CRYBG1: variants seen among roughly 807,000 people sequenced by gnomAD.
CRYBG1 encodes the protein crystallin beta-gamma domain containing 1, also known as beta/gamma crystallin domain-containing protein 1.
Under a neutral mutation model 189.2 loss-of-function variants are expected in CRYBG1, and 139 were observed. The ratio of observed to expected loss-of-function variants is 0.73; its 90% CI spans 0.64 to 0.85. The LOEUF (loss-of-function observed/expected upper bound fraction) is 0.85. Among genes scored for constraint, CRYBG1 ranks in the 40% least tolerant of loss-of-function variants. CRYBG1 has a pLI of 0.00. For synonymous variants in CRYBG1, 1,023 were observed against 1,017.1 expected (o/e 1.01, Z -0.11); for missense variants, 2,611 against 2,675.8 (o/e 0.98, Z 0.53).
At chr6:106,370,274 A>G (rs548305750) in intron 1 of CRYBG1, among the ~76,000 whole-genome samples, 2 of 152,352 alleles carry the variant, frequency 1.3e-5, no homozygotes, top group Admixed American at 1.3e-4. Flanking sequence ...AGAAAAAAGC[A>G]TTACCAAGAG....
intron 1 of CRYBG1, among the ~76,000 whole-genome samples, chr6:106,378,980 C>G (rs1037347760): frequency 4.6e-5 from 7 of 152,116 alleles, no homozygotes; most frequent in Admixed American, 3.3e-4. Context: ...AACCCCGTCT[C>G]TACTAAAAAT....
intron 1 of CRYBG1, among the ~76,000 whole-genome samples, chr6:106,375,471 G>C (rs114787277): frequency 2.2e-4 from 33 of 152,220 alleles, no homozygotes; most frequent in African/African-American, 7.7e-4. Flanking sequence ...GCAGGGGTTA[G>C]GGTGGAGGTG....
rs545816567 is a variant in CRYBG1, at chr6:106,473,699, A to G, written c.312+21867A>G. ...GCCATTCCTTTCTTGAATGGCAAGA[A>G]TTTTAAATACGGTAATATTCCTGAT... On this transcript the variant is annotated intron_variant, in intron 2 of 21. Transcript: ENST00000633556. 1.6e-3 allele frequency among the ~76,000 whole-genome samples: 239 copies of G among 152,352 alleles called. 1 individual carries two copies. The highest frequency in any genetic ancestry group is 3.4e-3 in the Middle Eastern group (1 of 294).
At position 106,553,622 on chromosome 6, in the gene CRYBG1, C is replaced by T. The variant is rs189870445; in HGVS notation, c.5585+55C>T. The stretch of plus-strand genomic sequence containing the variant: ...AATCACTGGAGTAAAACAGAATTCA[C>T]ACATCAGCAAGTATATAGTGATGCC... On this transcript the variant is annotated intron_variant, in intron 16 of 21. Coordinates refer to ENST00000633556, the MANE Select transcript of CRYBG1 (RefSeq NM_001371242.2). The T allele has an allele frequency of 9.4e-4, 1,126 of 1,202,250 alleles. 2 individuals carry two copies. The highest frequency in any genetic ancestry group is 2.1e-3 in the Admixed American group (124 of 58,652). The allele number at this position is 1,202,250 out of a possible 1,614,324, so 74.5% of individuals were successfully genotyped here. A position where few individuals can be genotyped will look rare whatever the true frequency, so the allele number is the denominator to read the frequency against.
At chr6:106,385,515 T>C (rs13210374) in intron 1 of CRYBG1, among the ~76,000 whole-genome samples, 18,374 of 152,214 alleles carry the variant, frequency 0.12, 1,220 homozygotes, top group African/African-American at 0.16. Context: ...TCAGTTTTCC[T>C]GATACATAAT....
intron 1 of CRYBG1, among the ~76,000 whole-genome samples, chr6:106,426,243 C>G (rs1402865779): frequency 6.6e-6 from 1 of 152,144 alleles, no homozygotes; most frequent in Non-Finnish European, 1.5e-5. Flanking sequence ...GCTCCTGACC[C>G]CATGCCCTCT....
At chr6:106,375,413 G>GTAAATAAA (rs1491094293) in intron 1 of CRYBG1, among the ~76,000 whole-genome samples, 2,185 of 140,220 alleles carry the variant, frequency 0.016, 49 homozygotes, top group East Asian at 0.075. Context: ...AAGTAAGTAA[G>GTAAATAAA]TAAGTAAGTA....
intron 1 of CRYBG1, among the ~76,000 whole-genome samples, chr6:106,399,143 A>G (rs1196545914): frequency 6.6e-6 from 1 of 152,220 alleles, no homozygotes; most frequent in African/African-American, 2.4e-5. Flanking sequence ...AATTTCAGCC[A>G]TTGAAGAAGC....
chr6:106,383,986 A>G (rs967199712), intron 1 of CRYBG1, among the ~76,000 whole-genome samples: 2 of 152,208 alleles, frequency 1.3e-5, no homozygotes, highest in Non-Finnish European at 2.9e-5. Context: ...CATAAACTGC[A>G]TTTCTAACAA....
chr6:106,521,011 C>T lies in CRYBG1; in HGVS notation c.3803C>T (p.Thr1268Met), dbSNP rs376221228. Residue 1268 changes from threonine to methionine, a missense_variant, in exon 4 of 22, where the codon ACG (threonine) becomes ATG (methionine). Coordinates refer to ENST00000633556, the MANE Select transcript of CRYBG1 (RefSeq NM_001371242.2). ...GTGACATCAGTCAACACTATGACCACGGCTTTCAGTACTTCTCAGAACGGT... is the reference window on the plus strand; with the variant it reads ...GTGACATCAGTCAACACTATGACCATGGCTTTCAGTACTTCTCAGAACGGT... ...PSVTSVNTMTTAFSTSQNGSL... is the reference protein window; with the variant it reads ...PSVTSVNTMTMAFSTSQNGSL... 76 of 1,614,042 alleles carry T rather than the reference C, an allele frequency of 4.7e-5. No homozygotes were observed. Among genetic ancestry groups the T allele is most frequent in the Admixed American group, 6.7e-5 (4 of 60,002 alleles).
chr6:106,399,181 T>C (rs56122958), intron 1 of CRYBG1, among the ~76,000 whole-genome samples: 14,467 of 152,278 alleles, frequency 0.095, 737 homozygotes, highest in East Asian at 0.15. Context: ...CTGTCAAAAC[T>C]GCTTCACCTC....
intron 9 of CRYBG1, 36 bp from the exon 10 acceptor site, chr6:106,541,550 G>T: frequency 6.2e-7 from 1 of 1,600,766 alleles, no homozygotes; most frequent in South Asian, 1.1e-5. Flanking sequence ...ATGTATCAGT[G>T]AAAAACTATT....
chr6:106,555,832 C>T lies in CRYBG1; in HGVS notation c.5650C>T (p.Pro1884Ser), dbSNP rs540992980. The T allele has an allele frequency of 3.1e-6, 5 of 1,614,118 alleles. No individual in the cohort carries two copies. Among genetic ancestry groups the T allele is most frequent in the Non-Finnish European group, 4.2e-6 (5 of 1,179,984 alleles). The part of the protein sequence containing the change: ...NQYVLEEGHY[P>S]CLSAMGCPPG... The stretch of plus-strand genomic sequence containing the variant: ...ATACGTGTTGGAAGAAGGCCATTAT[C>T]CTTGTCTGTCTGCAATGGGATGCCC... The change falls in exon 17 of 22, where the codon CCT becomes TCT. Residue 1884 changes from proline to serine, a missense_variant. Physicochemically the swap from Pro to Ser is moderately conservative, Grantham distance 74. Coordinates refer to ENST00000633556, the MANE Select transcript of CRYBG1 (RefSeq NM_001371242.2).
intron 3 of CRYBG1, 33 bp downstream of exon 3, chr6:106,513,072 T>C (rs1447320351): frequency 6.3e-7 from 1 of 1,579,984 alleles, no homozygotes; most frequent in Non-Finnish European, 8.5e-7. Flanking sequence ...GCCGAGTTGC[T>C]GTCCGCACAC....
Position 106,560,937 on chromosome 6 carries a change from C to CCTGTCTATGCAGAGCATG in CRYBG1, c.5979+13_5979+14insGTCTATGCAGAGCATGCT, listed in dbSNP as rs1774699949. ...CGACCTTTTGTTCAGGTATTTTCTT[C>CCTGTCTATGCAGAGCATG]CTCTCCATGCTCTGCATAGACTCTT... is the stretch of plus-strand genomic sequence containing the variant. On this transcript the variant is annotated intron_variant, in intron 19 of 21. Transcript: ENST00000633556. 1.3e-6 allele frequency: 2 copies of CCTGTCTATGCAGAGCATG among 1,593,960 alleles called. No homozygotes were observed. The highest frequency in any genetic ancestry group is 8.5e-7 in the Non-Finnish European group (1 of 1,170,682).
intron 1 of CRYBG1, among the ~76,000 whole-genome samples, chr6:106,430,090 A>G (rs961556544): frequency 6.6e-6 from 1 of 152,182 alleles, no homozygotes; most frequent in African/African-American, 2.4e-5. Context: ...TGGATTTTCT[A>G]TGGATGATTT....
intron 8 of CRYBG1, among the ~76,000 whole-genome samples, chr6:106,537,707 C>T (rs1277317542): frequency 6.6e-6 from 1 of 152,194 alleles, no homozygotes; most frequent in Non-Finnish European, 1.5e-5. Flanking sequence ...AGAACATTCC[C>T]AGCATCGCAG....
chr6:106,361,006 A>G lies in CRYBG1; in HGVS notation c.98A>G (p.Lys33Arg), dbSNP rs999259487. The change falls in exon 1 of 22, where the codon AAG (lysine) becomes AGG (arginine). Residue 33 changes from lysine (K) to arginine (R), a missense_variant. By Grantham distance (26) the Lys-to-Arg change is conservative. Around this residue, in one of 3 missense-constraint regions of CRYBG1, gnomAD observed 985 missense variants for 924.4 expected, o/e 1.07. Transcript: ENST00000633556. ...ACCTTCCACCTCTGGCGCTCCAAAAAGAAGCAGCAGCCGGCGCCGCCTGAC... is the reference window on the plus strand; with the variant it reads ...ACCTTCCACCTCTGGCGCTCCAAAAGGAAGCAGCAGCCGGCGCCGCCTGAC... ...HTTFHLWRSK[K>R]KQQPAPPDCG... 5 of 1,535,020 alleles carry G rather than the reference A, an allele frequency of 3.3e-6. No homozygotes were observed. In the African/African-American group the frequency reaches 6.9e-5, roughly 21 times the overall value.
intron 1 of CRYBG1, among the ~76,000 whole-genome samples, chr6:106,375,042 TAA>T (rs1231588401): frequency 2.0e-5 from 3 of 152,074 alleles, no homozygotes; most frequent in Non-Finnish European, 2.9e-5. Context: ...TTTTGATGGT[TAA>T]AGTTTCTAAA....
Sources: allele counts gnomAD v4.1 joint callset (sites outside exome capture counted in the v4.1 genomes callset), GRCh38; gene constraint gnomAD v4.1.1; regional missense constraint gnomAD v4.1.1; transcripts MANE v1.5; gene names NCBI Gene and HGNC (gene_info 2026-07-23, HGNC 2026-07-21).